GNG2: variants seen among roughly 807,000 people sequenced by gnomAD.
GNG2 encodes guanine nucleotide-binding protein G(I)/G(S)/G(O) subunit gamma-2.
GNG2 carries 5 observed loss-of-function variants against 5.5 expected under a neutral mutation model. The ratio of observed to expected loss-of-function variants is 0.91; its 90% CI spans 0.48 to 1.92. GNG2 has a LOEUF of 1.92. Ranked by LOEUF, GNG2 falls within the 30% of genes most tolerant of loss-of-function variation. The probability of loss-of-function intolerance (pLI) is 0.01; values close to 1 mark genes in which losing one functional copy is unlikely to be tolerated. For synonymous variants in GNG2, 28 were observed against 32.0 expected (o/e 0.88, Z 0.42); for missense variants, 55 against 88.4 (o/e 0.62, Z 1.52).
At chr14:51,926,771 T>G (rs535263133) in intron 2 of GNG2, among the ~76,000 whole-genome samples, 1 of 152,232 alleles carries the variant, frequency 6.6e-6, no homozygotes, top group South Asian at 2.1e-4. Context: ...GTTTCCCTTT[T>G]TTTTCTTTCC....
intron 2 of GNG2, among the ~76,000 whole-genome samples, chr14:51,924,489 G>A (rs1248293165): frequency 2.6e-5 from 4 of 152,198 alleles, no homozygotes. Context: ...ACCTCAGTGA[G>A]AGTCTTTGCT....
Position 51,908,554 on chromosome 14 carries a change from CTATCT to C in GNG2, c.-30+30898_-30+30902del, listed in dbSNP as rs1276518515. On this transcript the variant is annotated intron_variant, in intron 2 of 3. Transcript: ENST00000556766. ...TCTATCTATCTATCTATCTATCTAT[CTATCT>C]ATCCATATATATAGAGAGAGAGAGA... Among the ~76,000 whole-genome samples the C allele has an allele frequency of 7.9e-4, 111 of 140,504 alleles. 1 individual carries two copies. Among genetic ancestry groups the C allele is most frequent in the Middle Eastern group, 3.7e-3 (1 of 272 alleles). 92.2% of individuals were successfully genotyped at this position (140,504 alleles called of 152,430 possible). A position where few individuals can be genotyped will look rare whatever the true frequency, so the allele number is the denominator to read the frequency against.
rs80326587 is a variant in GNG2 at position 51,915,576 on chromosome 14, G to A, written c.-29-35074G>A. ...AAATATGATACGTTAGAAGCCATCCGTTCTCTTTTATAAAGTGACTTTTTA... is the reference window on the plus strand; with the variant it reads ...AAATATGATACGTTAGAAGCCATCCATTCTCTTTTATAAAGTGACTTTTTA... On this transcript the variant is annotated intron_variant, in intron 2 of 3. Transcript: ENST00000556766. 3.7e-3 allele frequency among the ~76,000 whole-genome samples: 556 copies of A among 152,268 alleles called. 8 individuals carry two copies. Among genetic ancestry groups the A allele is most frequent in the African/African-American group, 0.013 (533 of 41,570 alleles).
chr14:51,961,935 T>C (rs1889638739), intron 3 of GNG2, among the ~76,000 whole-genome samples: 1 of 152,170 alleles, frequency 6.6e-6, no homozygotes, highest in South Asian at 2.1e-4. Flanking sequence ...GAGAAGTTAT[T>C]GAAGGTTTTA....
At chr14:51,948,857 C>A (rs1190568818) in intron 2 of GNG2, among the ~76,000 whole-genome samples, 5 of 152,086 alleles carry the variant, frequency 3.3e-5, no homozygotes, top group African/African-American at 7.2e-5. Flanking sequence ...CGTGGTGGCT[C>A]ATGCCTGTAA....
chr14:51,939,211 T>C (rs1888178215), intron 2 of GNG2, among the ~76,000 whole-genome samples: 2 of 152,190 alleles, frequency 1.3e-5, no homozygotes, highest in South Asian at 4.1e-4. Flanking sequence ...CATTTATAGA[T>C]ACAAGCTGTT....
intron 1 of GNG2, among the ~76,000 whole-genome samples, chr14:51,870,318 A>G (rs1428288557): frequency 6.6e-6 from 1 of 151,838 alleles, no homozygotes; most frequent in African/African-American, 2.4e-5. Flanking sequence ...ATCCTGGCGA[A>G]AAACACAGAC....
intron 2 of GNG2, among the ~76,000 whole-genome samples, chr14:51,908,194 T>C (rs1886055969): frequency 6.6e-6 from 1 of 152,174 alleles, no homozygotes; most frequent in Non-Finnish European, 1.5e-5. Context: ...GAGGCCTCAG[T>C]TTCTCTTGGT....
intron 2 of GNG2, among the ~76,000 whole-genome samples, chr14:51,934,608 GAA>G (rs1346952854): frequency 6.6e-6 from 1 of 152,134 alleles, no homozygotes; most frequent in Non-Finnish European, 1.5e-5. Context: ...CAGCAAAGTT[GAA>G]AGTCAAAGCC....
chr14:51,860,081 A>G (rs1355642653), upstream of GNG2, among the ~76,000 whole-genome samples: 3 of 152,078 alleles, frequency 2.0e-5, no homozygotes, highest in Non-Finnish European at 4.4e-5. Flanking sequence ...ACAGAGAAAA[A>G]TGCTGCAGTG....
At chr14:51,926,377 T>C (rs866044685) in intron 2 of GNG2, among the ~76,000 whole-genome samples, 3 of 152,218 alleles carry the variant, frequency 2.0e-5, no homozygotes, top group African/African-American at 7.2e-5. Flanking sequence ...ATAGAAACTA[T>C]GGACAAAAGT....
intron 1 of GNG2, chr14:51,861,184 A>G (rs997079136): frequency 6.6e-6 from 1 of 152,282 alleles, no homozygotes; most frequent in East Asian, 1.9e-4. Context: ...TTTCTTACAC[A>G]TTGCACTGGG....
intron 2 of GNG2, among the ~76,000 whole-genome samples, chr14:51,907,152 A>C (rs1175211244): frequency 6.6e-6 from 1 of 152,168 alleles, no homozygotes; most frequent in South Asian, 2.1e-4. Flanking sequence ...GCTGACAGCC[A>C]CTGCCAAGTC....
rs181593963 is a variant in GNG2, at chr14:51,867,879, T to C, written c.-71+7089T>C. ...TCACAGCATCTAGCTCATTCTAGTG[T>C]GTATAACAGCAATCTGCATAATTTT... On this transcript the variant is annotated intron_variant, in intron 1 of 3. Coordinates refer to ENST00000556766, the MANE Select transcript of GNG2 (RefSeq NM_053064.5). 5.3e-5 allele frequency among the ~76,000 whole-genome samples: 8 copies of C among 152,342 alleles called. No homozygotes were observed. In the East Asian group the frequency reaches 1.4e-3, roughly 26 times the overall value.
chr14:51,954,237 T>C (rs183926158), intron 3 of GNG2, among the ~76,000 whole-genome samples: 2 of 152,292 alleles, frequency 1.3e-5, no homozygotes, highest in East Asian at 3.9e-4. Flanking sequence ...CATATATAAA[T>C]TATACTCTCA....
At chr14:51,880,977 A>AAAAAAAAAAAAAC (rs1884025480) in intron 2 of GNG2, among the ~76,000 whole-genome samples, 1 of 150,400 alleles carries the variant, frequency 6.6e-6, no homozygotes, top group African/African-American at 2.4e-5. Context: ...GAAAAAAAAA[A>AAAAAAAAAAAAAC]AAAAAAAAAA....
At chr14:51,912,054 C>T (rs1886332243) in intron 2 of GNG2, among the ~76,000 whole-genome samples, 1 of 148,134 alleles carries the variant, frequency 6.8e-6, no homozygotes, top group African/African-American at 2.5e-5. Context: ...ATCATCCCCA[C>T]TTTCAAGATG....
chr14:51,867,940 C>T lies in GNG2; in HGVS notation c.-71+7150C>T, dbSNP rs146062357. 3.2e-3 allele frequency among the ~76,000 whole-genome samples: 489 copies of T among 152,218 alleles called. 2 individuals carry two copies. Among genetic ancestry groups the T allele is most frequent in the Non-Finnish European group, 5.0e-3 (340 of 68,004 alleles). On this transcript the variant is annotated intron_variant, in intron 1 of 3. Transcript: ENST00000556766. The stretch of plus-strand genomic sequence containing the variant: ...CACACTCCAAGCTCTTTGAGGACAG[C>T]GGTCACATCTGGTTTCATCTTTGTC...
intron 1 of GNG2, among the ~76,000 whole-genome samples, chr14:51,872,162 A>C (rs1883344185): frequency 6.6e-6 from 1 of 152,212 alleles, no homozygotes; most frequent in African/African-American, 2.4e-5. Flanking sequence ...TGCTCAAATA[A>C]GCCAGAGAGT....
Sources: gnomAD v4.1 joint callset for allele counts (sites outside exome capture counted in the v4.1 genomes callset) on GRCh38, gnomAD v4.1.1 for gene constraint, MANE v1.5 for transcripts, NCBI Gene and HGNC (gene_info 2026-07-23, HGNC 2026-07-21) for gene names.